The following DMXL2 variants were observed in gnomAD, a reference collection of about 807,000 sequenced individuals.
DMXL2 encodes dmX-like protein 2.
A neutral mutation model predicts 331.1 loss-of-function variants in DMXL2; 103 were observed. The ratio of observed to expected loss-of-function variants is 0.31; its 90% confidence interval spans 0.27 to 0.37. The LOEUF is 0.37. Ranked by LOEUF, DMXL2 falls within the 10% of genes least tolerant of loss-of-function variation. The probability of loss-of-function intolerance (pLI) is 1.00; values close to 1 mark genes in which losing one functional copy is unlikely to be tolerated. For missense variants in DMXL2, 3,171 were observed against 3,642.9 expected, an observed-to-expected ratio of 0.87 and a Z score of 3.33; for synonymous variants, 1,281 against 1,252.1, an observed-to-expected ratio of 1.02 and a Z score of -0.49.
intron 1 of DMXL2, among the ~76,000 whole-genome samples, chr15:51,606,901 G>A (rs1447678546): frequency 6.6e-6 from 1 of 152,230 alleles, no homozygotes; most frequent in African/African-American, 2.4e-5. Context: ...GCTCAGGCCT[G>A]TAATCCCAGC....
Position 51,581,875 on chromosome 15 carries a change from C to T in DMXL2, c.88-5694G>A, listed in dbSNP as rs74016407. 7.1e-3 allele frequency among the ~76,000 whole-genome samples: 1,074 copies of T among 152,078 alleles called. 19 individuals carry two copies. The highest frequency in any genetic ancestry group is 0.025 in the African/African-American group (1,031 of 41,494). On this transcript the variant is annotated intron_variant, in intron 1 of 43. Transcript: ENST00000560891. ...TGACAACTACTGATAAGTGTCTAAACTTCAAAGACCAAAAAAAAGAAACAA... is the reference window on the plus strand; with the variant it reads ...TGACAACTACTGATAAGTGTCTAAATTTCAAAGACCAAAAAAAAGAAACAA...
chr15:51,535,522 A>G, intron 13 of DMXL2, 141 bp downstream of exon 13: 3 of 633,406 alleles, frequency 4.7e-6, no homozygotes, highest in South Asian at 1.2e-4. Flanking sequence ...GAAAAAATAA[A>G]TGTGTCATAT....
intron 1 of DMXL2, among the ~76,000 whole-genome samples, chr15:51,615,900 TTA>T (rs2054256074): frequency 6.6e-6 from 1 of 152,198 alleles, no homozygotes; most frequent in Non-Finnish European, 1.5e-5. Flanking sequence ...GCCAGAATGT[TTA>T]TGAGTTTTTT....
intron 27 of DMXL2, 58 bp from the exon 28 acceptor site, chr15:51,474,650 A>C: frequency 2.7e-6 from 4 of 1,507,624 alleles, no homozygotes; most frequent in Non-Finnish European, 3.6e-6. Context: ...AGAAGGAAAA[A>C]ACATCCAAAT....
intron 29 of DMXL2, among the ~76,000 whole-genome samples, chr15:51,467,888 G>A (rs936402385): frequency 2.4e-4 from 36 of 152,034 alleles, no homozygotes; most frequent in African/African-American, 8.0e-4. Flanking sequence ...CACCACGCCC[G>A]GCTAATTTTT....
At chr15:51,459,082 A>AG (rs2039902903) in intron 34 of DMXL2, 1 of 331,440 alleles carries the variant, frequency 3.0e-6, no homozygotes, top group African/African-American at 2.1e-5. Flanking sequence ...TTTATACAGT[A>AG]GTATGTCTCT....
chr15:51,508,388 A>G (rs1182286171), intron 15 of DMXL2, among the ~76,000 whole-genome samples: 4 of 152,186 alleles, frequency 2.6e-5, no homozygotes, highest in African/African-American at 9.7e-5. Flanking sequence ...GGACAGCTAC[A>G]AGATAAACCC....
chr15:51,605,560 G>A lies in DMXL2; in HGVS notation c.87+16899C>T, dbSNP rs1342673385. ...TTTTTTTTTTTTTTTTTTTTGAGACGGAGTCTCGCTCTGTCGCCCAGGCCG... is the reference window on the plus strand; with the variant it reads ...TTTTTTTTTTTTTTTTTTTTGAGACAGAGTCTCGCTCTGTCGCCCAGGCCG... On this transcript the variant is annotated intron_variant, in intron 1 of 43. Coordinates refer to ENST00000560891, the MANE Select transcript of DMXL2 (RefSeq NM_001378457.1). 9.7e-4 allele frequency among the ~76,000 whole-genome samples: 17 copies of A among 17,544 alleles called. 3 individuals carry two copies. The highest frequency in any genetic ancestry group is 3.2e-3 in the Admixed American group (3 of 930). The allele number at this position is 17,544 out of a possible 152,430, so 11.5% of individuals were successfully genotyped here.
At chr15:51,468,339 G>A (rs1445309690) in intron 29 of DMXL2, among the ~76,000 whole-genome samples, 1 of 152,128 alleles carries the variant, frequency 6.6e-6, no homozygotes, top group Admixed American at 6.5e-5. Flanking sequence ...TCAAACACTA[G>A]TGGAATAATC....
intron 2 of DMXL2, among the ~76,000 whole-genome samples, chr15:51,574,331 G>A (rs1342925224): frequency 3.3e-5 from 5 of 152,154 alleles, no homozygotes; most frequent in Non-Finnish European, 7.3e-5. Flanking sequence ...CTCTTGGTAA[G>A]ATGGAATTAA....
Position 51,464,846 on chromosome 15 carries a change from G to A in DMXL2, c.7637C>T (p.Ala2546Val). 6.2e-7 allele frequency: 1 copy of A among 1,614,002 alleles called. No homozygotes were observed. The change falls in exon 32 of 44, where the codon GCT (alanine) becomes GTT (valine). Residue 2546 changes from alanine to valine, a missense_variant. This residue lies in a region of DMXL2 where 766 missense variants were observed against 940.5 expected (regional missense o/e 0.81). Coordinates refer to ENST00000560891, the MANE Select transcript of DMXL2 (RefSeq NM_001378457.1). ...CCAGTTCTCCAAGTTTTTAATCACA[G>A]CAATACCTAATGGTGATGTTACAGG... is the stretch of plus-strand genomic sequence containing the variant. Reference protein sequence around the residue: ...ELPVTSPLGIAVIKNLENWEQ... With the variant: ...ELPVTSPLGIVVIKNLENWEQ...
chr15:51,582,895 C>T (rs1475294216), intron 1 of DMXL2, among the ~76,000 whole-genome samples: 1 of 151,770 alleles, frequency 6.6e-6, no homozygotes, highest in African/African-American at 2.4e-5. Context: ...CTTCTTACCC[C>T]TCCCCTCCTC....
intron 2 of DMXL2, among the ~76,000 whole-genome samples, chr15:51,572,674 A>T (rs1317328451): frequency 6.6e-6 from 1 of 152,222 alleles, no homozygotes; most frequent in African/African-American, 2.4e-5. Flanking sequence ...AAGAGAACCG[A>T]TGACAAAAAC....
Position 51,575,388 on chromosome 15 carries a change from G to A in DMXL2, c.213+668C>T, listed in dbSNP as rs564731333. 8.9e-4 allele frequency among the ~76,000 whole-genome samples: 135 copies of A among 152,060 alleles called. 4 individuals are homozygous for A. The South Asian group carries it at 0.027, about 31-fold the overall frequency. ...GTAAAAACCTTATTACTCTATTCTC[G>A]TAGAGACATTCAACTCGGCTACATA... On this transcript the variant is annotated intron_variant, in intron 2 of 43. Transcript: ENST00000560891.
chr15:51,533,248 C>T (rs1484056313), intron 13 of DMXL2, among the ~76,000 whole-genome samples: 1 of 152,108 alleles, frequency 6.6e-6, no homozygotes, highest in Non-Finnish European at 1.5e-5. Flanking sequence ...GTCTTGAACT[C>T]ATGGGGTCAA....
intron 33 of DMXL2, among the ~76,000 whole-genome samples, chr15:51,461,215 GA>G (rs2040082389): frequency 6.6e-6 from 1 of 152,162 alleles, no homozygotes; most frequent in Non-Finnish European, 1.5e-5. Flanking sequence ...TGTTCATGGG[GA>G]CCCACTGCTG....
intron 16 of DMXL2, among the ~76,000 whole-genome samples, chr15:51,505,301 T>C (rs2043981579): frequency 6.6e-6 from 1 of 152,252 alleles, no homozygotes. Flanking sequence ...AATCTCATTG[T>C]CTGTGACCTA....
At chr15:51,527,766 G>A (rs1295684381) in intron 13 of DMXL2, among the ~76,000 whole-genome samples, 1 of 148,956 alleles carries the variant, frequency 6.7e-6, no homozygotes, top group Non-Finnish European at 1.5e-5. Context: ...AAACTCACTG[G>A]TAATAGTAAG....
At chr15:51,554,391 T>C (rs895174704) in intron 6 of DMXL2, among the ~76,000 whole-genome samples, 1 of 152,226 alleles carries the variant, frequency 6.6e-6, no homozygotes, top group Non-Finnish European at 1.5e-5. Flanking sequence ...TCCAAAGTTT[T>C]AAAGGTGACT....
Sources: gnomAD v4.1 joint callset for allele counts (sites outside exome capture counted in the v4.1 genomes callset) on GRCh38, gnomAD v4.1.1 for gene constraint, gnomAD v4.1.1 regional missense constraint, MANE v1.5 for transcripts, NCBI Gene and HGNC (gene_info 2026-07-23, HGNC 2026-07-21) for gene names.